Variants in PARP8 observed in about 807,000 individuals in gnomAD.
The protein encoded by PARP8 is protein mono-ADP-ribosyltransferase PARP8.
In PARP8, 51 loss-of-function variants were observed where a neutral mutation model predicts 124.1. The ratio of observed to expected loss-of-function variants is 0.41; its 90% CI spans 0.33 to 0.52. The LOEUF is 0.52. Ranked by LOEUF, PARP8 falls within the 20% of genes least tolerant of loss-of-function variation. The pLI is 0.21. For missense variants in PARP8, 860 were observed against 1,018.9 expected, an observed-to-expected ratio of 0.84 and a Z score of 2.12; for synonymous variants, 391 against 361.5, an observed-to-expected ratio of 1.08 and a Z score of -0.93.
chr5:50,668,343 A>G, intron 2 of PARP8: 2 of 580,662 alleles, frequency 3.4e-6, no homozygotes, highest in Non-Finnish European at 6.2e-6. Flanking sequence ...GCCACAGGCA[A>G]TGAGCAGAAC....
At position 50,712,120 on chromosome 5, in the gene PARP8, G is replaced by A. The variant is rs185173023; in HGVS notation, c.147-38031G>A. 2.1e-3 allele frequency among the ~76,000 whole-genome samples: 323 copies of A among 152,196 alleles called. 1 individual carries two copies. The highest frequency in any genetic ancestry group is 2.8e-3 in the Non-Finnish European group (193 of 68,004). ...TTTATTAATCTTCACTTTATTCAGA[G>A]TGATTTGAAATAGATCACAAAGTGA... On this transcript the variant is annotated intron_variant, in intron 2 of 25. Coordinates refer to ENST00000281631, the MANE Select transcript of PARP8 (RefSeq NM_024615.4).
chr5:50,719,852 G>T (rs1369237307), intron 2 of PARP8, among the ~76,000 whole-genome samples: 2 of 152,040 alleles, frequency 1.3e-5, no homozygotes, highest in Middle Eastern at 3.4e-3. Flanking sequence ...AACAAAACAC[G>T]CAGTACATCT....
chr5:50,669,826 C>G (rs1194877757), intron 2 of PARP8, among the ~76,000 whole-genome samples: 1 of 152,190 alleles, frequency 6.6e-6, no homozygotes, highest in Admixed American at 6.5e-5. Context: ...TCTTTTGTCA[C>G]TGATTTAAAT....
chr5:50,815,038 G>A (rs1482232471), intron 14 of PARP8, among the ~76,000 whole-genome samples: 1 of 151,114 alleles, frequency 6.6e-6, no homozygotes, highest in Non-Finnish European at 1.5e-5. Context: ...TTATATGTTT[G>A]TTTTATACAG....
At chr5:50,704,413 T>G (rs1489756727) in intron 2 of PARP8, among the ~76,000 whole-genome samples, 1 of 152,196 alleles carries the variant, frequency 6.6e-6, no homozygotes, top group Admixed American at 6.6e-5. Context: ...ATTACCTAAG[T>G]GAGCACGTGC....
At chr5:50,804,251 G>C (rs1372101111) in intron 14 of PARP8, among the ~76,000 whole-genome samples, 2 of 152,088 alleles carry the variant, frequency 1.3e-5, no homozygotes, top group African/African-American at 4.8e-5. Flanking sequence ...TTTAGTACTG[G>C]GTGAGTTCCA....
At chr5:50,767,966 A>G (rs1369382252) in intron 7 of PARP8, among the ~76,000 whole-genome samples, 3 of 152,096 alleles carry the variant, frequency 2.0e-5, no homozygotes, top group African/African-American at 7.2e-5. Flanking sequence ...CTTCCTAGGA[A>G]CATGTGGTAG....
At chr5:50,706,073 T>C (rs907269129) in intron 2 of PARP8, among the ~76,000 whole-genome samples, 19 of 152,184 alleles carry the variant, frequency 1.2e-4, no homozygotes, top group Admixed American at 8.5e-4. Flanking sequence ...CTAAATTGGT[T>C]CTATCAAATT....
chr5:50,733,234 C>T (rs1757156641), intron 2 of PARP8, among the ~76,000 whole-genome samples: 1 of 151,488 alleles, frequency 6.6e-6, no homozygotes, highest in African/African-American at 2.4e-5. Flanking sequence ...GTGGTAGTTG[C>T]AGTGAGCCGA....
At chr5:50,768,483 T>A (rs893253591) in intron 7 of PARP8, among the ~76,000 whole-genome samples, 1 of 152,210 alleles carries the variant, frequency 6.6e-6, no homozygotes, top group Admixed American at 6.6e-5. Context: ...GTGGAGGCAT[T>A]CTTTTCAGAC....
chr5:50,770,529 AAAAGAGAG>A (rs1027640584), intron 7 of PARP8, among the ~76,000 whole-genome samples: 1 of 151,900 alleles, frequency 6.6e-6, no homozygotes, highest in African/African-American at 2.4e-5. Flanking sequence ...TTGGAGAAAG[AAAAGAGAG>A]AAAGAGAGAG....
chr5:50,796,876 A>C, intron 12 of PARP8, 106 bp from the exon 13 acceptor site: 1 of 946,994 alleles, frequency 1.1e-6, no homozygotes, highest in Non-Finnish European at 1.5e-6. Flanking sequence ...ATTTCATGTG[A>C]TCTTAAATCA....
chr5:50,754,174 CACACACATAT>C (rs1368136377), intron 3 of PARP8, among the ~76,000 whole-genome samples: 652 of 33,710 alleles, frequency 0.019, 46 homozygotes, highest in South Asian at 0.038. Context: ...CACACACACA[CACACACATAT>C]ATATATATTT....
At chr5:50,819,303 A>G (rs1470434907) in intron 15 of PARP8, among the ~76,000 whole-genome samples, 1 of 152,058 alleles carries the variant, frequency 6.6e-6, no homozygotes, top group Non-Finnish European at 1.5e-5. Flanking sequence ...TCAAAAATGC[A>G]TGGACTTTTA....
intron 7 of PARP8, among the ~76,000 whole-genome samples, chr5:50,771,148 A>T (rs1451463258): frequency 4.7e-5 from 7 of 149,018 alleles, no homozygotes; most frequent in Non-Finnish European, 7.5e-5. Context: ...CATATATATA[A>T]TATATATATA....
chr5:50,691,647 T>A (rs2121977), intron 2 of PARP8, among the ~76,000 whole-genome samples: 1 of 152,192 alleles, frequency 6.6e-6, no homozygotes, highest in Non-Finnish European at 1.5e-5. Flanking sequence ...TTCCTGACCC[T>A]TTGTAACTCT....
At chr5:50,715,386 C>G (rs780833725) in intron 2 of PARP8, among the ~76,000 whole-genome samples, 17 of 151,884 alleles carry the variant, frequency 1.1e-4, no homozygotes, top group Non-Finnish European at 2.1e-4. Flanking sequence ...TATAACCGTT[C>G]TAGGAATTTA....
At chr5:50,819,890 A>G (rs1195009436) in intron 15 of PARP8, among the ~76,000 whole-genome samples, 2 of 152,258 alleles carry the variant, frequency 1.3e-5, no homozygotes, top group South Asian at 2.1e-4. Flanking sequence ...GAAGACAAAA[A>G]GGAGGGTTTT....
Position 50,667,327 on chromosome 5 carries a change from G to T in PARP8, c.91+141G>T, listed in dbSNP as rs531206616. The T allele has an allele frequency of 1.1e-5, 10 of 902,364 alleles. No homozygotes were observed. In the African/African-American group the frequency reaches 1.6e-4, roughly 15 times the overall value. The allele number at this position is 902,364 out of a possible 1,614,324, so 55.9% of individuals were successfully genotyped here. ...TTTGGCAACAGCTGCTGCAACGAGC[G>T]CGGGAGCCAAAAGGGGGAGGGGGCG... On this transcript the variant is annotated intron_variant, in intron 1 of 25. Coordinates refer to ENST00000281631, the MANE Select transcript of PARP8 (RefSeq NM_024615.4).
Sources: allele counts gnomAD v4.1 joint callset (sites outside exome capture counted in the v4.1 genomes callset), GRCh38; gene constraint gnomAD v4.1.1; transcripts MANE v1.5; gene names NCBI Gene and HGNC (gene_info 2026-07-23, HGNC 2026-07-21).